UGT1A8: variants seen among roughly 807,000 people sequenced by gnomAD.
UGT1A8 encodes UDP glucuronosyltransferase family 1 member A8, also known as UDP-glucuronosyltransferase 1A8.
A neutral mutation model predicts 45.3 loss-of-function variants in UGT1A8; 39 were observed. That is an observed-to-expected ratio of 0.86 (90% CI 0.67 to 1.12). The LOEUF is 1.12. Ranked by LOEUF, UGT1A8 falls within the 50% of genes most tolerant of loss-of-function variation. The pLI, the probability that UGT1A8 is intolerant of heterozygous loss-of-function variation, is 0.00. For synonymous variants in UGT1A8, 275 were observed against 249.2 expected, an observed-to-expected ratio of 1.10 and a Z score of -0.97; for missense variants, 719 against 664.9, an observed-to-expected ratio of 1.08 and a Z score of -0.90.
At chr2:233,635,418 A>G (rs902102585) in intron 1 of UGT1A8, among the ~76,000 whole-genome samples, 3 of 150,612 alleles carry the variant, frequency 2.0e-5, no homozygotes, top group Non-Finnish European at 2.9e-5. Flanking sequence ...TTAAAAAATT[A>G]TACTTTAAGA....
At chr2:233,644,891 AC>A (rs34153171) in intron 1 of UGT1A8, among the ~76,000 whole-genome samples, 5 of 151,778 alleles carry the variant, frequency 3.3e-5, no homozygotes, top group Admixed American at 2.0e-4. Context: ...ATAGTTGCTA[AC>A]TTGGTGTCTT....
chr2:233,760,773 G>A, intron 1 of UGT1A8: 1 of 1,613,944 alleles, frequency 6.2e-7, no homozygotes, highest in Non-Finnish European at 8.5e-7. Flanking sequence ...TCGTGGCCCA[G>A]TACCTGTCTC....
chr2:233,672,812 C>T (rs1399377791), intron 1 of UGT1A8: 1 of 1,596,044 alleles, frequency 6.3e-7, no homozygotes, highest in South Asian at 1.1e-5. Context: ...TCCTTTAGCA[C>T]CTTAAGAATA....
rs529035115 is a variant in UGT1A8 at position 233,718,838 on chromosome 2, G to T, written c.856-48196G>T. The T allele has an allele frequency of 2.5e-6, 4 of 1,613,656 alleles. No individual in the cohort carries two copies. The South Asian group carries it at 4.4e-5, about 18-fold the overall frequency. ...CTGCTGAGATGGCCAGAGGACTCCA[G>T]GTTCCCCTGCCGCGGCTGGCCACAG... On this transcript the variant is annotated intron_variant, in intron 1 of 4. Coordinates refer to ENST00000373450, the MANE Select transcript of UGT1A8 (RefSeq NM_019076.5).
At chr2:233,649,708 T>A (rs1412879414) in intron 1 of UGT1A8, among the ~76,000 whole-genome samples, 2 of 152,184 alleles carry the variant, frequency 1.3e-5, no homozygotes, top group African/African-American at 4.8e-5. Flanking sequence ...TGCTAAAGAT[T>A]TGGCTAACTT....
chr2:233,628,121 C>G (rs2073124554), intron 1 of UGT1A8, among the ~76,000 whole-genome samples: 1 of 151,998 alleles, frequency 6.6e-6, no homozygotes, highest in Admixed American at 6.6e-5. Context: ...AATGCTGCCT[C>G]TATATGTTTG....
At chr2:233,693,897 G>A (rs901787042) in intron 1 of UGT1A8, 3 of 1,613,646 alleles carry the variant, frequency 1.9e-6, no homozygotes, top group African/African-American at 2.7e-5. Flanking sequence ...GGACTGCCTT[G>A]TTTCTTCCAG....
At chr2:233,677,441 A>G (rs2074390638) in intron 1 of UGT1A8, among the ~76,000 whole-genome samples, 1 of 152,250 alleles carries the variant, frequency 6.6e-6, no homozygotes, top group Admixed American at 6.5e-5. Context: ...CCAACTGTTT[A>G]CCAAAAGCCT....
rs2074201282 is a variant in UGT1A8 at position 233,671,861 on chromosome 2, G to C, written c.855+53299G>C. On this transcript the variant is annotated intron_variant, in intron 1 of 4. Coordinates refer to ENST00000373450, the MANE Select transcript of UGT1A8 (RefSeq NM_019076.5). ...GCCCTCTATTGGGGTCAGGTTTTGT[G>C]CTGGTATTTCTCCCACCTACTGTAT... 2.6e-6 allele frequency: 4 copies of C among 1,515,206 alleles called. No homozygotes were observed. The Admixed American group carries it at 9.0e-5, about 34-fold the overall frequency. The allele number at this position is 1,515,206 out of a possible 1,614,324, so 93.9% of individuals were successfully genotyped here.
At chr2:233,714,881 T>G (rs1441745966) in intron 1 of UGT1A8, among the ~76,000 whole-genome samples, 1 of 150,308 alleles carries the variant, frequency 6.7e-6, no homozygotes, top group East Asian at 2.0e-4. Flanking sequence ...ATCTTTTAAA[T>G]TTTTCTATCT....
intron 1 of UGT1A8, among the ~76,000 whole-genome samples, chr2:233,632,926 G>A (rs559381401): frequency 6.6e-6 from 1 of 152,304 alleles, no homozygotes; most frequent in East Asian, 1.9e-4. Context: ...CAAAGGGAAT[G>A]CTTCCAGCTT....
intron 1 of UGT1A8, among the ~76,000 whole-genome samples, chr2:233,715,415 T>A (rs2076450298): frequency 6.6e-6 from 1 of 152,186 alleles, no homozygotes; most frequent in Non-Finnish European, 1.5e-5. Context: ...TAAAATACAT[T>A]TTATCTGATA....
intron 1 of UGT1A8, among the ~76,000 whole-genome samples, chr2:233,760,004 A>G (rs1697302035): frequency 6.6e-6 from 1 of 152,168 alleles, no homozygotes; most frequent in South Asian, 2.1e-4. Flanking sequence ...TGGAAATACT[A>G]ATTTAATGGA....
intron 1 of UGT1A8, among the ~76,000 whole-genome samples, chr2:233,638,226 A>C (rs1486924822): frequency 6.6e-6 from 1 of 152,274 alleles, no homozygotes; most frequent in Non-Finnish European, 1.5e-5. Context: ...AAAAATTTTC[A>C]CTATATAAGC....
chr2:233,631,754 T>C (rs2073190773), intron 1 of UGT1A8, among the ~76,000 whole-genome samples: 1 of 152,202 alleles, frequency 6.6e-6, no homozygotes, highest in African/African-American at 2.4e-5. Context: ...GATGGATAGA[T>C]TGCAAAATTT....
chr2:233,754,591 G>T (rs1279768336), intron 1 of UGT1A8: 4 of 429,060 alleles, frequency 9.3e-6, no homozygotes, highest in South Asian at 6.6e-5. Context: ...TATTATGAAG[G>T]ACTTTAACTC....
At chr2:233,624,598 A>G (rs768825467) in intron 1 of UGT1A8, among the ~76,000 whole-genome samples, 4 of 152,072 alleles carry the variant, frequency 2.6e-5, no homozygotes, top group Non-Finnish European at 4.4e-5. Context: ...TTTGATTACT[A>G]TAGCTGTGTA....
chr2:233,704,647 T>A (rs1262134477), intron 1 of UGT1A8, among the ~76,000 whole-genome samples: 1 of 152,158 alleles, frequency 6.6e-6, no homozygotes, highest in African/African-American at 2.4e-5. Context: ...TTGCTTATCA[T>A]TTTTGGTTCT....
At chr2:233,625,860 A>G (rs934265994) in intron 1 of UGT1A8, among the ~76,000 whole-genome samples, 10 of 151,948 alleles carry the variant, frequency 6.6e-5, no homozygotes, top group African/African-American at 2.4e-4. Flanking sequence ...TGATGGGAGC[A>G]ATCATGCCCC....
Sources: allele counts gnomAD v4.1 joint callset (sites outside exome capture counted in the v4.1 genomes callset), GRCh38; gene constraint gnomAD v4.1.1; transcripts MANE v1.5; gene names NCBI Gene and HGNC (gene_info 2026-07-23, HGNC 2026-07-21).